Variants in MINDY2 observed in about 807,000 individuals in gnomAD.
The protein encoded by MINDY2 is ubiquitin carboxyl-terminal hydrolase MINDY-2.
A neutral mutation model predicts 68.2 loss-of-function variants in MINDY2; 52 were observed. The observed-to-expected ratio is 0.76, with a 90% CI of 0.61 to 0.96. MINDY2 has a LOEUF of 0.96. MINDY2 is among the 40% of genes least tolerant of loss of function. MINDY2 has a pLI of 0.00. For missense variants in MINDY2, 881 were observed against 773.4 expected (o/e 1.14, Z -1.65); for synonymous variants, 372 against 303.0 (o/e 1.23, Z -2.36).
chr15:58,819,889 T>A (rs1170339919), intron 4 of MINDY2, among the ~76,000 whole-genome samples: 2 of 152,156 alleles, frequency 1.3e-5, no homozygotes, highest in Non-Finnish European at 2.9e-5. Flanking sequence ...ATCCCAAGGA[T>A]CCTCTCGCAA....
At chr15:58,831,999 TAA>T (rs2031753192) in intron 6 of MINDY2, 83 bp downstream of exon 6, 1 of 1,222,404 alleles carries the variant, frequency 8.2e-7, no homozygotes, top group East Asian at 2.6e-5. Flanking sequence ...TGCTTATAAA[TAA>T]AAGATTTTAG....
At chr15:58,789,289 G>T (rs1167315401) in intron 2 of MINDY2, among the ~76,000 whole-genome samples, 3 of 152,054 alleles carry the variant, frequency 2.0e-5, no homozygotes, top group African/African-American at 7.2e-5. Flanking sequence ...AGTGAGCCGA[G>T]ATTGCACCAC....
At chr15:58,791,215 T>TTATATATATA (rs57998049) in intron 2 of MINDY2, among the ~76,000 whole-genome samples, 953 of 79,108 alleles carry the variant, frequency 0.012, 31 homozygotes, top group Middle Eastern at 0.02. Flanking sequence ...GAAAGCAATT[T>TTATATATATA]TATATATATA....
intron 1 of MINDY2, among the ~76,000 whole-genome samples, chr15:58,785,135 C>CAAAAAA (rs397719705): frequency 0.012 from 806 of 67,684 alleles, no homozygotes; most frequent in Non-Finnish European, 0.015. Flanking sequence ...TGAAGGAAAG[C>CAAAAAA]AAAAAAAAAA....
chr15:58,776,552 G>A (rs1306508066), intron 1 of MINDY2, among the ~76,000 whole-genome samples: 1 of 152,198 alleles, frequency 6.6e-6, no homozygotes, highest in Non-Finnish European at 1.5e-5. Flanking sequence ...CAGCATCAGA[G>A]AGCTAATAGA....
Position 58,772,064 on chromosome 15 carries a change from G to C in MINDY2, c.669G>C (p.Gly223=), listed in dbSNP as rs1205378667. ...GAVPLCKEEE[G]EETAQVLAAS... ...TTCCTCTGTGCAAGGAGGAGGAGGG[G>C]GAGGAGACCGCTCAGGTGCTGGCGG... Residue 223 remains glycine (G), a synonymous_variant, in exon 1 of 9, where the codon GGG becomes GGC. Transcript: ENST00000559228. 1 of 1,611,638 alleles carries C rather than the reference G, an allele frequency of 6.2e-7. No homozygotes were observed. The highest frequency in any genetic ancestry group is 1.3e-5 in the African/African-American group (1 of 74,916).
chr15:58,779,749 C>T (rs1384273206), intron 1 of MINDY2, among the ~76,000 whole-genome samples: 2 of 152,192 alleles, frequency 1.3e-5, no homozygotes, highest in African/African-American at 4.8e-5. Context: ...GGTGTTGTAA[C>T]TCTGGATTTG....
chr15:58,821,970 C>T lies in MINDY2; in HGVS notation c.1225+151C>T, dbSNP rs148974305. 625 of 529,126 alleles carry T rather than the reference C, an allele frequency of 1.2e-3. 3 individuals are homozygous for T. Among genetic ancestry groups the T allele is most frequent in the African/African-American group, 0.012 (569 of 48,714 alleles). The allele number at this position is 529,126 out of a possible 1,614,324, so 32.8% of individuals were successfully genotyped here. ...ATTTTAAGAAGTAACCATCCATAGGCTGGGCACAGTGGCTCCCGCCTGTAA... is the reference window on the plus strand; with the variant it reads ...ATTTTAAGAAGTAACCATCCATAGGTTGGGCACAGTGGCTCCCGCCTGTAA... On this transcript the variant is annotated intron_variant, in intron 5 of 8. Coordinates refer to ENST00000559228, the MANE Select transcript of MINDY2 (RefSeq NM_001040450.3).
chr15:58,790,590 G>C (rs533350700), intron 2 of MINDY2, among the ~76,000 whole-genome samples: 3 of 152,144 alleles, frequency 2.0e-5, no homozygotes, highest in African/African-American at 7.2e-5. Flanking sequence ...GACCTTAGTG[G>C]GGGGTAAGAC....
chr15:58,818,188 G>A (rs2030826657), intron 4 of MINDY2, among the ~76,000 whole-genome samples: 1 of 152,130 alleles, frequency 6.6e-6, no homozygotes, highest in Non-Finnish European at 1.5e-5. Context: ...TCACTGTTGT[G>A]TCTGTAGATT....
chr15:58,842,653 G>A (rs984436000), intron 6 of MINDY2, among the ~76,000 whole-genome samples: 2 of 152,164 alleles, frequency 1.3e-5, no homozygotes, highest in Admixed American at 6.5e-5. Flanking sequence ...GATAGAAGCA[G>A]ATAGACACAG....
In MINDY2 at chr15:58,860,210, CA is replaced by C; in HGVS notation, c.*5604del. On this transcript the variant is annotated 3_prime_UTR_variant, in exon 9 of 9. Transcript: ENST00000559228. ...CCTCATAAATTAGAGAAGGACAAAACAAAATGTTTTGGAAGGTGATCCTGGC... is the reference window on the plus strand; with the variant it reads ...CCTCATAAATTAGAGAAGGACAAAACAAATGTTTTGGAAGGTGATCCTGGC... 1 of 152,126 alleles carries C rather than the reference CA, an allele frequency of 6.6e-6. No individual in the cohort carries two copies. The highest frequency in any genetic ancestry group is 1.9e-4 in the East Asian group (1 of 5,200). The allele number at this position is 152,126 out of a possible 1,614,324, so 9.4% of individuals were successfully genotyped here.
chr15:58,838,718 T>C (rs1198073421), intron 6 of MINDY2, among the ~76,000 whole-genome samples: 1 of 150,328 alleles, frequency 6.7e-6, no homozygotes, highest in African/African-American at 2.4e-5. Flanking sequence ...TCCCAAGTAG[T>C]TGGGATTACA....
At position 58,774,235 on chromosome 15, in the gene MINDY2, C is replaced by CAAA. The variant is rs530834935; in HGVS notation, c.840+2001_840+2002insAAA. ...CGGTGGCTCACGCCTGTATTCCCAG[C>CAAA]ATTTCGGGAGGCCGAGGCGGGTGGA... is the stretch of plus-strand genomic sequence containing the variant. On this transcript the variant is annotated intron_variant, in intron 1 of 8. Coordinates refer to ENST00000559228, the MANE Select transcript of MINDY2 (RefSeq NM_001040450.3). Among the ~76,000 whole-genome samples the CAAA allele has an allele frequency of 8.5e-5, 13 of 152,244 alleles. No individual in the cohort carries two copies. The South Asian group carries it at 2.7e-3, about 32-fold the overall frequency.
At chr15:58,852,903 A>G (rs1248756514) in intron 8 of MINDY2, among the ~76,000 whole-genome samples, 1 of 96,332 alleles carries the variant, frequency 1.0e-5, no homozygotes, top group African/African-American at 3.7e-5. Context: ...TGTTTATACC[A>G]TGCCAGACTG....
intron 6 of MINDY2, among the ~76,000 whole-genome samples, chr15:58,832,470 C>T (rs1448686593): frequency 6.8e-6 from 1 of 147,100 alleles, no homozygotes; most frequent in Non-Finnish European, 1.5e-5. Context: ...CTCAGGTGAT[C>T]GCCCGCCTCA....
chr15:58,838,982 C>T (rs1595770294), intron 6 of MINDY2, among the ~76,000 whole-genome samples: 1 of 152,158 alleles, frequency 6.6e-6, no homozygotes, highest in African/African-American at 2.4e-5. Flanking sequence ...GGGGAAAGTC[C>T]ATGATGGCAG....
chr15:58,817,975 G>A (rs931386070), intron 4 of MINDY2, among the ~76,000 whole-genome samples: 12 of 152,118 alleles, frequency 7.9e-5, no homozygotes, highest in African/African-American at 2.7e-4. Flanking sequence ...GCCATAGTCC[G>A]AAACTGAAAA....
intron 1 of MINDY2, among the ~76,000 whole-genome samples, chr15:58,772,524 A>T (rs1193015947): frequency 6.6e-6 from 1 of 152,222 alleles, no homozygotes; most frequent in Non-Finnish European, 1.5e-5. Context: ...AAATCTTATG[A>T]TTATTTTAAA....
Sources: allele counts gnomAD v4.1 joint callset (sites outside exome capture counted in the v4.1 genomes callset), GRCh38; gene constraint gnomAD v4.1.1; transcripts MANE v1.5; gene names NCBI Gene and HGNC (gene_info 2026-07-23, HGNC 2026-07-21).